The following RERE variants were observed in gnomAD, a reference collection of about 807,000 sequenced individuals.
RERE encodes the protein arginine-glutamic acid dipeptide repeats, also known as arginine-glutamic acid dipeptide repeats protein.
Under a neutral mutation model 146.1 loss-of-function variants are expected in RERE, and 40 were observed. The ratio of observed to expected loss-of-function variants is 0.27; its 90% CI spans 0.21 to 0.36. The LOEUF is 0.36. RERE is among the 10% of genes least tolerant of loss of function. RERE has a pLI of 1.00. For synonymous variants in RERE, 1,003 were observed against 866.0 expected (o/e 1.16, Z -2.78); for missense variants, 1,933 against 2,138.7 (o/e 0.90, Z 1.90).
chr1:8,454,892 G>GT (rs1277341931), intron 11 of RERE, among the ~76,000 whole-genome samples: 11 of 151,820 alleles, frequency 7.2e-5, no homozygotes, highest in African/African-American at 2.7e-4. Flanking sequence ...CTTTCTTGAG[G>GT]CCACACAGGT....
chr1:8,523,355 C>T (rs1645529650), intron 7 of RERE, among the ~76,000 whole-genome samples: 1 of 152,212 alleles, frequency 6.6e-6, no homozygotes, highest in Non-Finnish European at 1.5e-5. Flanking sequence ...ATGATAAGAA[C>T]AACTAATAAG....
At chr1:8,797,470 A>AAC in intron 1 of RERE, among the ~76,000 whole-genome samples, 1 of 152,310 alleles carries the variant, frequency 6.6e-6, no homozygotes, top group South Asian at 2.1e-4. Flanking sequence ...TCTTAGCGTA[A>AAC]ACACACATAT....
chr1:8,688,214 G>A (rs1210779779), intron 1 of RERE, among the ~76,000 whole-genome samples: 1 of 152,162 alleles, frequency 6.6e-6, no homozygotes, highest in Non-Finnish European at 1.5e-5. Context: ...AAGTCAGGAG[G>A]ATCGCTTGAA....
chr1:8,685,990 T>G (rs1048171124), intron 1 of RERE, among the ~76,000 whole-genome samples: 1 of 151,924 alleles, frequency 6.6e-6, no homozygotes, highest in Non-Finnish European at 1.5e-5. Context: ...ATTTTTTTTT[T>G]TTTTTTTGGA....
Position 8,757,911 on chromosome 1 carries a change from T to TACACACACACACAC in RERE, c.-145+59235_-145+59248dup, listed in dbSNP as rs35913290. On this transcript the variant is annotated intron_variant, in intron 1 of 22. Transcript: ENST00000400908. ...ATGTATACACACACACACACATACA[T>TACACACACACACAC]ACACACACACACACACACATATATA... is the stretch of plus-strand genomic sequence containing the variant. Among the ~76,000 whole-genome samples, 46 of 30,170 alleles carry TACACACACACACAC rather than the reference T, an allele frequency of 1.5e-3. No homozygotes were observed. The South Asian group carries it at 0.016, about 10-fold the overall frequency. The allele number at this position is 30,170 out of a possible 152,430, so 19.8% of individuals were successfully genotyped here.
intron 11 of RERE, among the ~76,000 whole-genome samples, chr1:8,455,979 G>C (rs1460387775): frequency 6.6e-6 from 1 of 152,118 alleles, no homozygotes; most frequent in Non-Finnish European, 1.5e-5. Flanking sequence ...CACTACTAGG[G>C]AACATTAAGC....
At chr1:8,799,967 C>T (rs181612883) in intron 1 of RERE, among the ~76,000 whole-genome samples, 437 of 152,166 alleles carry the variant, frequency 2.9e-3, no homozygotes, top group Non-Finnish European at 3.9e-3. Flanking sequence ...GAACCCACCA[C>T]CACGTCCAGC....
At chr1:8,418,865 C>T (rs1046394656) in intron 12 of RERE, among the ~76,000 whole-genome samples, 25 of 152,096 alleles carry the variant, frequency 1.6e-4, no homozygotes, top group African/African-American at 5.8e-4. Flanking sequence ...TCCATCTACC[C>T]AACAATAAGT....
intron 8 of RERE, among the ~76,000 whole-genome samples, chr1:8,501,268 C>A (rs571709595): frequency 1.4e-5 from 2 of 139,288 alleles, no homozygotes; most frequent in South Asian, 4.6e-4. Context: ...CGCCTCTGCC[C>A]GGTCGCCCCT....
At chr1:8,519,642 C>G (rs1467104337) in intron 7 of RERE, 2 of 152,140 alleles carry the variant, frequency 1.3e-5, no homozygotes, top group Admixed American at 1.3e-4. Flanking sequence ...TTATTAAACT[C>G]TATATACTGG....
intron 16 of RERE, among the ~76,000 whole-genome samples, chr1:8,362,200 T>G (rs1641606458): frequency 6.6e-6 from 1 of 152,190 alleles, no homozygotes. Context: ...AACTAGACAG[T>G]GGAACCACTG....
At position 8,761,300 on chromosome 1, in the gene RERE, G is replaced by A. The variant is rs571437133; in HGVS notation, c.-145+55860C>T. On this transcript the variant is annotated intron_variant, in intron 1 of 22. Transcript: ENST00000400908. ...TCCTTTGGCAATTTTATTCCACCTCGGGGCTTCAACTACCCCATTCTCAGT... is the reference window on the plus strand; with the variant it reads ...TCCTTTGGCAATTTTATTCCACCTCAGGGCTTCAACTACCCCATTCTCAGT... 7.2e-5 allele frequency among the ~76,000 whole-genome samples: 11 copies of A among 152,042 alleles called. 1 individual carries two copies. Among genetic ancestry groups the A allele is most frequent in the South Asian group, 4.1e-4 (2 of 4,832 alleles).
At chr1:8,606,211 C>G (rs1288191729) in intron 4 of RERE, among the ~76,000 whole-genome samples, 1 of 152,156 alleles carries the variant, frequency 6.6e-6, no homozygotes, top group Non-Finnish European at 1.5e-5. Context: ...ACCTTTCAAA[C>G]TTCCAGATAC....
intron 11 of RERE, among the ~76,000 whole-genome samples, chr1:8,447,404 G>C (rs1644335971): frequency 6.6e-6 from 1 of 152,004 alleles, no homozygotes; most frequent in Admixed American, 6.6e-5. Context: ...CAGACTTTTT[G>C]CCTTGTTTTT....
intron 7 of RERE, among the ~76,000 whole-genome samples, chr1:8,508,949 C>G (rs1645293395): frequency 6.6e-6 from 1 of 152,124 alleles, no homozygotes; most frequent in Non-Finnish European, 1.5e-5. Context: ...GAGTCTCACT[C>G]TGTCGCCCAG....
chr1:8,497,352 ATCAGTTCAGATGGTCTAAT>A, intron 9 of RERE, 34 bp downstream of exon 9: 1 of 1,603,852 alleles, frequency 6.2e-7, no homozygotes, highest in Non-Finnish European at 8.5e-7. Flanking sequence ...ACTGCCTATA[ATCAGTTCAGATGGTCTAAT>A]TCAGAAAGCA....
Position 8,656,113 on chromosome 1 carries a change from T to C in RERE, c.185A>G (p.Asp62Gly), listed in dbSNP as rs1638284242. 6.2e-7 allele frequency: 1 copy of C among 1,614,164 alleles called. No individual in the cohort carries two copies. The highest frequency in any genetic ancestry group is 8.5e-7 in the Non-Finnish European group (1 of 1,179,996). The stretch of plus-strand genomic sequence containing the variant: ...CTCCTCTGCGGTGGCACTATTGTTG[T>C]CATTGTCCTCGTCTTCACTGTGATC... ...ESDHSEDEDN[D>G]NNSATAEEST... Residue 62 changes from aspartate to glycine, a missense_variant, in exon 2 of 23, where the codon GAC (aspartate) becomes GGC (glycine). Physicochemically the swap from Asp to Gly is moderately conservative, Grantham distance 94. Coordinates refer to ENST00000400908, the MANE Select transcript of RERE (RefSeq NM_001042681.2).
At chr1:8,631,123 T>TA (rs1647030625) in intron 2 of RERE, among the ~76,000 whole-genome samples, 1 of 152,216 alleles carries the variant, frequency 6.6e-6, no homozygotes, top group African/African-American at 2.4e-5. Flanking sequence ...CATAATAAAC[T>TA]AAAAGGGATT....
chr1:8,731,369 T>A (rs1046525940), intron 1 of RERE, among the ~76,000 whole-genome samples: 2 of 152,132 alleles, frequency 1.3e-5, no homozygotes, highest in African/African-American at 4.8e-5. Flanking sequence ...GCCCACCTGC[T>A]AAGAAAAACT....
Sources: gnomAD v4.1 joint callset for allele counts (sites outside exome capture counted in the v4.1 genomes callset) on GRCh38, gnomAD v4.1.1 for gene constraint, MANE v1.5 for transcripts, NCBI Gene and HGNC (gene_info 2026-07-23, HGNC 2026-07-21) for gene names.